NRXN1: variants seen among roughly 807,000 people sequenced by gnomAD.
The protein encoded by NRXN1 is neurexin 1.
In NRXN1, 39 loss-of-function variants were observed where a neutral mutation model predicts 150.9. The observed-to-expected ratio is 0.26, with a 90% CI of 0.20 to 0.34. The LOEUF is 0.34. Among genes scored for constraint, NRXN1 ranks in the 10% least tolerant of loss-of-function variants. The pLI, the probability that NRXN1 is intolerant of heterozygous loss-of-function variation, is 1.00. For synonymous variants in NRXN1, 924 were observed against 757.0 expected (o/e 1.22, Z -3.62); for missense variants, 1,815 against 1,949.9 (o/e 0.93, Z 1.30).
intron 5 of NRXN1, among the ~76,000 whole-genome samples, chr2:50,722,147 C>A (rs1203661201): frequency 2.0e-5 from 3 of 152,058 alleles, no homozygotes; most frequent in African/African-American, 4.8e-5. Context: ...TGCTATTCTT[C>A]AAAATTTTCT....
intron 18 of NRXN1, among the ~76,000 whole-genome samples, chr2:50,091,808 C>G (rs1052910400): frequency 7.9e-5 from 12 of 152,194 alleles, no homozygotes; most frequent in Admixed American, 6.5e-4. Flanking sequence ...TACTTTAACA[C>G]AACCCCTTTA....
At chr2:50,746,493 G>T (rs1700040199) in intron 5 of NRXN1, among the ~76,000 whole-genome samples, 1 of 152,010 alleles carries the variant, frequency 6.6e-6, no homozygotes, top group Admixed American at 6.6e-5. Flanking sequence ...AGGAGCTTGA[G>T]GCTGCAGTGA....
At position 50,810,849 on chromosome 2, in the gene NRXN1, G is replaced by T. The variant is rs980382028; in HGVS notation, c.832+111020C>A. On this transcript the variant is annotated intron_variant, in intron 5 of 22. Transcript: ENST00000401669. ...CAAAAAATGAGCCAGATGTGGTGGT[G>T]CACACCTGTAGTCCCAGCTACTCGG... Among the ~76,000 whole-genome samples, 3 of 151,930 alleles carry T rather than the reference G, an allele frequency of 2.0e-5. No individual in the cohort carries two copies. The East Asian group carries it at 5.8e-4, about 30-fold the overall frequency.
chr2:50,697,012 G>A (rs537602490), intron 5 of NRXN1, among the ~76,000 whole-genome samples: 1 of 151,992 alleles, frequency 6.6e-6, no homozygotes, highest in African/African-American at 2.4e-5. Flanking sequence ...CTTACTTCAA[G>A]CACCTTAACA....
chr2:50,379,111 T>C (rs976350589), intron 17 of NRXN1, among the ~76,000 whole-genome samples: 1 of 149,504 alleles, frequency 6.7e-6, no homozygotes, highest in Non-Finnish European at 1.5e-5. Flanking sequence ...AGGAGAGGGA[T>C]AGAAAGAAAA....
intron 5 of NRXN1, among the ~76,000 whole-genome samples, chr2:50,697,878 C>CCCAAAGTAGACAG (rs1430152314): frequency 1.3e-5 from 2 of 152,068 alleles, no homozygotes; most frequent in Non-Finnish European, 2.9e-5. Flanking sequence ...CAGCTGTTCC[C>CCCAAAGTAGACAG]CCAAAGTAGA....
intron 5 of NRXN1, among the ~76,000 whole-genome samples, chr2:50,724,846 T>C (rs1697129134): frequency 1.3e-5 from 2 of 152,268 alleles, no homozygotes; most frequent in Admixed American, 1.3e-4. Context: ...TCCCCTTTCA[T>C]GCCGTGGAAG....
intron 5 of NRXN1, among the ~76,000 whole-genome samples, chr2:50,762,021 C>T (rs1271482015): frequency 6.6e-6 from 1 of 151,738 alleles, no homozygotes; most frequent in Non-Finnish European, 1.5e-5. Flanking sequence ...CTCGGACTGG[C>T]TTCCTTGCTC....
chr2:50,760,206 C>T (rs1045399726), intron 5 of NRXN1, among the ~76,000 whole-genome samples: 11 of 151,912 alleles, frequency 7.2e-5, no homozygotes, highest in African/African-American at 2.7e-4. Flanking sequence ...GAAAACGGAT[C>T]TGTCCCTTCA....
At chr2:50,908,919 C>A (rs548264613) in intron 5 of NRXN1, among the ~76,000 whole-genome samples, 3 of 152,002 alleles carry the variant, frequency 2.0e-5, no homozygotes, top group Non-Finnish European at 4.4e-5. Context: ...TCACTGGTTG[C>A]TAGTGCCATG....
At chr2:50,163,417 T>G (rs939410671) in intron 18 of NRXN1, among the ~76,000 whole-genome samples, 10 of 152,116 alleles carry the variant, frequency 6.6e-5, no homozygotes, top group African/African-American at 2.4e-4. Flanking sequence ...CTGCAACTTG[T>G]AAGAGTAGAG....
chr2:50,492,321 G>T (rs1041922018), intron 15 of NRXN1, among the ~76,000 whole-genome samples: 10 of 152,174 alleles, frequency 6.6e-5, no homozygotes, highest in Non-Finnish European at 1.5e-4. Flanking sequence ...AACCCCCTGA[G>T]AATCGAGCGG....
intron 22 of NRXN1, among the ~76,000 whole-genome samples, chr2:49,922,785 T>A (rs1015879005): frequency 6.6e-6 from 1 of 152,242 alleles, no homozygotes; most frequent in Non-Finnish European, 1.5e-5. Flanking sequence ...TGTCTGCTTT[T>A]TAAAGTATAA....
At chr2:50,198,087 C>A (rs1266391061) in intron 18 of NRXN1, among the ~76,000 whole-genome samples, 1 of 152,070 alleles carries the variant, frequency 6.6e-6, no homozygotes, top group Non-Finnish European at 1.5e-5. Context: ...TCTTTATGAA[C>A]ATAATCAAAC....
intron 5 of NRXN1, among the ~76,000 whole-genome samples, chr2:50,637,343 A>C (rs1683379337): frequency 1.3e-5 from 2 of 152,130 alleles, no homozygotes; most frequent in African/African-American, 4.8e-5. Flanking sequence ...TGGTTTGAGT[A>C]CTGTTTTCTC....
intron 18 of NRXN1, among the ~76,000 whole-genome samples, chr2:50,151,623 A>C (rs1327442763): frequency 2.0e-5 from 3 of 151,792 alleles, no homozygotes; most frequent in African/African-American, 7.2e-5. Context: ...AAATCAATAA[A>C]TAATATGGGA....
chr2:50,058,783 G>A (rs754609612), intron 19 of NRXN1, among the ~76,000 whole-genome samples: 2 of 152,028 alleles, frequency 1.3e-5, no homozygotes, highest in Non-Finnish European at 2.9e-5. Flanking sequence ...AAGACCTGAT[G>A]GTTTTATAAA....
At chr2:50,581,178 T>C (rs1048842857) in intron 8 of NRXN1, among the ~76,000 whole-genome samples, 1 of 152,222 alleles carries the variant, frequency 6.6e-6, no homozygotes, top group Non-Finnish European at 1.5e-5. Context: ...CTATCTGCTG[T>C]ATTTCTTGAA....
At chr2:50,975,259 A>G (rs903630829) in intron 2 of NRXN1, among the ~76,000 whole-genome samples, 1 of 152,112 alleles carries the variant, frequency 6.6e-6, no homozygotes, top group South Asian at 2.1e-4. Context: ...TATAAACATA[A>G]CCATATAAAC....
Sources: gnomAD v4.1 joint callset for allele counts (sites outside exome capture counted in the v4.1 genomes callset) on GRCh38, gnomAD v4.1.1 for gene constraint, MANE v1.5 for transcripts, NCBI Gene and HGNC (gene_info 2026-07-23, HGNC 2026-07-21) for gene names.